Variants in CHRNA4 observed in about 807,000 individuals in gnomAD.
The protein encoded by CHRNA4 is cholinergic receptor nicotinic alpha 4 subunit.
In CHRNA4, 28 loss-of-function variants were observed where a neutral mutation model predicts 48.9. The observed-to-expected ratio is 0.57, with a 90% confidence interval of 0.42 to 0.79. The LOEUF (loss-of-function observed/expected upper bound fraction) is 0.79. Ranked by LOEUF, CHRNA4 falls within the 30% of genes least tolerant of loss-of-function variation. The pLI is 0.00. For missense variants in CHRNA4, 859 were observed against 898.4 expected, an observed-to-expected ratio of 0.96 and a Z score of 0.56; for synonymous variants, 425 against 402.3, an observed-to-expected ratio of 1.06 and a Z score of -0.68.
chr20:63,350,520 C>A lies in CHRNA4; in HGVS notation c.891G>T (p.Pro297=). The A allele has an allele frequency of 1.2e-6, 2 of 1,613,600 alleles. No individual in the cohort carries two copies. Among genetic ancestry groups the A allele is most frequent in the Non-Finnish European group, 1.7e-6 (2 of 1,179,940 alleles). The stretch of plus-strand genomic sequence containing the variant: ...TGAGTGGGATGACCAGTGAGGTGGA[C>A]GGGATGATCTCGGTGATGAGCAGCA... ...VFLLLITEII[P]STSLVIPLIG... Residue 297 remains proline, a synonymous_variant, in exon 5 of 6, where the codon CCG becomes CCT. Coordinates refer to ENST00000370263, the MANE Select transcript of CHRNA4 (RefSeq NM_000744.7).
At chr20:63,359,821 C>T in intron 1 of CHRNA4, 122 bp from the exon 2 acceptor site, 1 of 1,102,680 alleles carries the variant, frequency 9.1e-7, no homozygotes, top group South Asian at 1.4e-5. Context: ...CAGCTCCTCA[C>T]ATGAGCCCTT....
Position 63,343,674 on chromosome 20 carries a change from G to A in CHRNA4, c.*3064C>T. 2 of 447,528 alleles carry A rather than the reference G, an allele frequency of 4.5e-6. No individual in the cohort carries two copies. Among genetic ancestry groups the A allele is most frequent in the South Asian group, 1.6e-5 (1 of 63,990 alleles). 27.7% of individuals were successfully genotyped at this position (447,528 alleles called of 1,614,324 possible). ...CCAGGCCGGTCCGGAGGCAGAAGGG[G>A]CTGGGAAGCCCTGGCCAGGGCCTTC... On this transcript the variant is annotated 3_prime_UTR_variant, in exon 6 of 6. Coordinates refer to ENST00000370263, the MANE Select transcript of CHRNA4 (RefSeq NM_000744.7).
At chr20:63,349,475 C>G in intron 5 of CHRNA4, 178 bp downstream of exon 5, 1 of 825,482 alleles carries the variant, frequency 1.2e-6, no homozygotes, top group Non-Finnish European at 1.9e-6. Flanking sequence ...CAGCCTGGGA[C>G]CTGCGGCCAC....
intron 4 of CHRNA4, among the ~76,000 whole-genome samples, chr20:63,354,213 G>A (rs1300404507): frequency 9.5e-5 from 11 of 115,318 alleles, no homozygotes; most frequent in Middle Eastern, 6.9e-3. Flanking sequence ...GTGGTCCTGG[G>A]GGGCTGTGGT....
intron 2 of CHRNA4, 45 bp from the exon 3 acceptor site, chr20:63,356,460 T>C (rs1232748765): frequency 1.9e-6 from 3 of 1,558,942 alleles, no homozygotes; most frequent in East Asian, 2.3e-5. Flanking sequence ...CCTTGGTGTC[T>C]TTCTCTGGCC....
rs200895459 is a variant in CHRNA4, at chr20:63,345,578, T to A, written c.*1160A>T. 2 of 444,604 alleles carry A rather than the reference T, an allele frequency of 4.5e-6. No individual in the cohort carries two copies. Among genetic ancestry groups the A allele is most frequent in the Admixed American group, 4.7e-5 (2 of 42,344 alleles). The allele number at this position is 444,604 out of a possible 1,614,324, so 27.5% of individuals were successfully genotyped here. Reference sequence around the variant, plus strand: ...CTGCAGGGGTGAGGCTGTGCTGAGCTCTGCCTGCCCTGCCAGGACGGAGGG... The same window carrying A: ...CTGCAGGGGTGAGGCTGTGCTGAGCACTGCCTGCCCTGCCAGGACGGAGGG... On this transcript the variant is annotated 3_prime_UTR_variant, in exon 6 of 6. Coordinates refer to ENST00000370263, the MANE Select transcript of CHRNA4 (RefSeq NM_000744.7). This position sits in a 1 kb window ranked among gnomAD's most constrained non-coding sequence, Gnocchi z 5.4.
In CHRNA4 at chr20:63,350,095, T is replaced by G. The variant is rs796052318; in HGVS notation, c.1316A>C (p.Lys439Thr). Residue 439 changes from lysine to threonine, a missense_variant, in exon 5 of 6, where the codon AAA becomes ACA. Lys to Thr is a moderately conservative substitution (Grantham distance 78). Coordinates refer to ENST00000370263, the MANE Select transcript of CHRNA4 (RefSeq NM_000744.7). ...TCCAGGCGAGGGGTGGGGGCTGGCT[T>G]TCTCAGCTTCCAGGGGCTGCTGAGG... is the stretch of plus-strand genomic sequence containing the variant. ...LPPQQPLEAE[K>T]ASPHPSPGPC... is the part of the protein sequence containing the mutation. The G allele has an allele frequency of 1.4e-5, 22 of 1,529,994 alleles. No individual in the cohort carries two copies. The Admixed American group carries it at 3.2e-4, about 22-fold the overall frequency. The allele number at this position is 1,529,994 out of a possible 1,614,324, so 94.8% of individuals were successfully genotyped here.
Position 63,343,537 on chromosome 20 carries a change from C to T in CHRNA4, c.*3201G>A, listed in dbSNP as rs1487747914. On this transcript the variant is annotated 3_prime_UTR_variant, in exon 6 of 6. Coordinates refer to ENST00000370263, the MANE Select transcript of CHRNA4 (RefSeq NM_000744.7). ...TGCCCTAGAGTGTCCTGGGCCCGGC[C>T]TTAACTTACAAGGGAGCCTGAGTGA... The T allele has an allele frequency of 2.2e-6, 1 of 454,020 alleles. No homozygotes were observed. Among genetic ancestry groups the T allele is most frequent in the African/African-American group, 2.0e-5 (1 of 50,008 alleles). 28.1% of individuals were successfully genotyped at this position (454,020 alleles called of 1,614,324 possible).
intron 5 of CHRNA4, 27 bp downstream of exon 5, chr20:63,349,626 C>T (rs1378029266): frequency 1.2e-6 from 2 of 1,612,180 alleles, no homozygotes; most frequent in African/African-American, 2.7e-5. Context: ...GTCAGAGGCG[C>T]CCAACACAGC....
Position 63,349,982 on chromosome 20 carries a change from C to A in CHRNA4, c.1429G>T (p.Ala477Ser). Residue 477 changes from alanine (A) to serine (S), a missense_variant, in exon 5 of 6, where the codon GCG (alanine) becomes TCG (serine). Ala to Ser is a moderately conservative substitution (Grantham distance 99, BLOSUM62 1). Transcript: ENST00000370263. ...SVQHMSSPGE[A>S]VEGGVRCRSR... is the part of the protein sequence containing the mutation. ...CGGCACCGGACGCCGCCTTCCACCG[C>A]TTCGCCAGGGCTGGACATGTGCTGG... 6.4e-7 allele frequency: 1 copy of A among 1,553,122 alleles called. No individual in the cohort carries two copies. The highest frequency in any genetic ancestry group is 8.7e-7 in the Non-Finnish European group (1 of 1,147,862).
At chr20:63,357,187 A>G (rs62206917) in intron 2 of CHRNA4, among the ~76,000 whole-genome samples, 1 of 8,502 alleles carries the variant, frequency 1.2e-4, no homozygotes, top group South Asian at 7.0e-3. Context: ...ACAGGACCAC[A>G]ACCCACAGGA....
rs61737377 is a variant in CHRNA4, at chr20:63,350,265, C to T, written c.1146G>A (p.Pro382=). 1.2e-6 allele frequency: 2 copies of T among 1,611,370 alleles called. No homozygotes were observed. The highest frequency in any genetic ancestry group is 1.7e-6 in the Non-Finnish European group (2 of 1,179,490). The change falls in exon 5 of 6, where the codon CCG becomes CCA. Residue 382 remains proline (P), a synonymous_variant. Coordinates refer to ENST00000370263, the MANE Select transcript of CHRNA4 (RefSeq NM_000744.7). The stretch of plus-strand genomic sequence containing the variant: ...CCCCTTCTGGCTCGGGCCAGAAGCG[C>T]GGGGCACTGGCCATCTTATGCATGG... ...IESMHKMASA[P]RFWPEPEGEP... is the part of the protein sequence containing the mutation.
rs202081301 is a variant in CHRNA4 at position 63,343,737 on chromosome 20, G to A, written c.*3001C>T. ...CCTGGGAAGGAGGGGGCAGGATGGC[G>A]CAAGCAGCCGCAGAGGGGCCGGCGC... On this transcript the variant is annotated 3_prime_UTR_variant, in exon 6 of 6. Coordinates refer to ENST00000370263, the MANE Select transcript of CHRNA4 (RefSeq NM_000744.7). 19 of 451,462 alleles carry A rather than the reference G, an allele frequency of 4.2e-5. No individual in the cohort carries two copies. Among genetic ancestry groups the A allele is most frequent in the South Asian group, 2.0e-4 (13 of 64,296 alleles). The allele number at this position is 451,462 out of a possible 1,614,324, so 28.0% of individuals were successfully genotyped here. A position where few individuals can be genotyped will look rare whatever the true frequency, so the allele number is the denominator to read the frequency against.
At position 63,359,707 on chromosome 20, in the gene CHRNA4, G is replaced by T. The variant is rs751415101; in HGVS notation, c.77-8C>A. 6.2e-6 allele frequency: 10 copies of T among 1,609,962 alleles called. No individual in the cohort carries two copies. The highest frequency in any genetic ancestry group is 1.7e-5 in the Admixed American group (1 of 59,988). ...TCTCCACATGGCTGCTGGCTGCGGGGAGAGGCAGGCCAGTGGCTCAGGTGC... is the reference window on the plus strand; with the variant it reads ...TCTCCACATGGCTGCTGGCTGCGGGTAGAGGCAGGCCAGTGGCTCAGGTGC... On this transcript the variant is annotated splice_polypyrimidine_tract_variant and splice_region_variant and intron_variant, in intron 1 of 5. Transcript: ENST00000370263.
rs1176741461 is a variant in CHRNA4 at position 63,345,434 on chromosome 20, G to C, written c.*1304C>G. The C allele has an allele frequency of 5.1e-6, 2 of 394,498 alleles. No homozygotes were observed. The highest frequency in any genetic ancestry group is 1.0e-5 in the Non-Finnish European group (2 of 191,982). The allele number at this position is 394,498 out of a possible 1,614,324, so 24.4% of individuals were successfully genotyped here. ...GGGCAGCCTGTGCCCATCCCAAGGG[G>C]AAGTGTGCCCCTGGGGACACTGGGG... On this transcript the variant is annotated 3_prime_UTR_variant, in exon 6 of 6. Transcript: ENST00000370263. This position sits in a 1 kb window ranked among gnomAD's most constrained non-coding sequence, Gnocchi z 5.4.
rs199833642 is a variant in CHRNA4 at position 63,344,100 on chromosome 20, C to G, written c.*2638G>C. 11 of 453,996 alleles carry G rather than the reference C, an allele frequency of 2.4e-5. No homozygotes were observed. Among genetic ancestry groups the G allele is most frequent in the Middle Eastern group, 1.4e-3 (2 of 1,466 alleles). 28.1% of individuals were successfully genotyped at this position (453,996 alleles called of 1,614,324 possible). ...CAAACTGCGTCTTAGTTTATTCAGA[C>G]AGAAGAACACTGCTCACAATTAAAA... On this transcript the variant is annotated 3_prime_UTR_variant, in exon 6 of 6. Transcript: ENST00000370263. This position sits in a 1 kb window ranked among gnomAD's most constrained non-coding sequence, Gnocchi z 4.5.
At chr20:63,348,250 C>T (rs537547817) in intron 5 of CHRNA4, among the ~76,000 whole-genome samples, 107 of 152,358 alleles carry the variant, frequency 7.0e-4, no homozygotes, top group Non-Finnish European at 1.0e-3. Flanking sequence ...GCTTCAGGAC[C>T]GCTTTGATCA....
At chr20:63,353,799 TAG>T (rs2068661478) in intron 4 of CHRNA4, among the ~76,000 whole-genome samples, 1 of 49,304 alleles carries the variant, frequency 2.0e-5, no homozygotes. Flanking sequence ...GCTATGGTCC[TAG>T]AGGGGGCTGT....
chr20:63,355,834 G>A (rs1332862908), intron 4 of CHRNA4, 141 bp downstream of exon 4: 1 of 1,187,282 alleles, frequency 8.4e-7, no homozygotes, highest in Non-Finnish European at 1.2e-6. Context: ...CCTGGGCCTG[G>A]GCTGGCATGC....
Sources: gnomAD v4.1 joint callset for allele counts (sites outside exome capture counted in the v4.1 genomes callset) on GRCh38, gnomAD v4.1.1 for gene constraint, Gnocchi (gnomAD v3.1) non-coding constraint, MANE v1.5 for transcripts, NCBI Gene and HGNC (gene_info 2026-07-23, HGNC 2026-07-21) for gene names.